HMBOX1: variants seen among roughly 807,000 people sequenced by gnomAD.
HMBOX1 encodes the protein homeobox-containing protein 1.
HMBOX1 carries 14 observed loss-of-function variants against 54.5 expected under a neutral mutation model. The ratio of observed to expected loss-of-function variants is 0.26; its 90% CI spans 0.17 to 0.40. The LOEUF (loss-of-function observed/expected upper bound fraction) is 0.40, where lower values mean the gene tolerates loss of function less well. Ranked by LOEUF, HMBOX1 falls within the 10% of genes least tolerant of loss-of-function variation. The pLI is 1.00. For missense variants in HMBOX1, 332 were observed against 514.4 expected (o/e 0.65, Z 3.43); for synonymous variants, 160 against 181.0 (o/e 0.88, Z 0.93).
chr8:28,967,996 G>A (rs921824264), intron 2 of HMBOX1, among the ~76,000 whole-genome samples: 1 of 152,136 alleles, frequency 6.6e-6, no homozygotes, highest in Non-Finnish European at 1.5e-5. Flanking sequence ...TTCATCTACA[G>A]TTCTAGATTT....
At chr8:28,960,975 C>CG (rs1825489287) in intron 1 of HMBOX1, among the ~76,000 whole-genome samples, 1 of 151,212 alleles carries the variant, frequency 6.6e-6, no homozygotes, top group South Asian at 2.1e-4. Context: ...TTGGTAGAGA[C>CG]GGGGTTTCAC....
chr8:28,971,046 G>A (rs1406790450), intron 3 of HMBOX1, among the ~76,000 whole-genome samples: 1 of 144,248 alleles, frequency 6.9e-6, no homozygotes, highest in African/African-American at 2.6e-5. Flanking sequence ...TTTTATAAGT[G>A]TAAGAACTTA....
intron 3 of HMBOX1, among the ~76,000 whole-genome samples, chr8:28,972,885 G>C (rs1283752053): frequency 6.6e-6 from 1 of 152,160 alleles, no homozygotes; most frequent in Non-Finnish European, 1.5e-5. Context: ...ACCCATTCCA[G>C]TTTCACTGTG....
intron 6 of HMBOX1, among the ~76,000 whole-genome samples, chr8:29,026,482 A>G (rs1802060575): frequency 2.6e-5 from 4 of 152,212 alleles, no homozygotes; most frequent in Middle Eastern, 6.8e-3. Context: ...GAAAACTATT[A>G]AATTGTATGC....
intron 1 of HMBOX1, among the ~76,000 whole-genome samples, chr8:28,932,448 A>C (rs992473099): frequency 3.9e-5 from 6 of 152,226 alleles, no homozygotes; most frequent in Non-Finnish European, 5.9e-5. Flanking sequence ...GTGTAAAGCT[A>C]GTGTATAAAT....
At position 29,051,303 on chromosome 8, in the gene HMBOX1, A is replaced by G; in HGVS notation, c.*148A>G. The stretch of plus-strand genomic sequence containing the variant: ...TAGGGTCTTGTTCTGTGAAGATGGC[A>G]TGGTGCCCTCAGCCTTTGCATATAC... On this transcript the variant is annotated 3_prime_UTR_variant, in exon 10 of 10. Transcript: ENST00000287701. The G allele has an allele frequency of 6.2e-6, 5 of 808,680 alleles. No homozygotes were observed. The highest frequency in any genetic ancestry group is 9.8e-6 in the Non-Finnish European group (5 of 511,610). The allele number at this position is 808,680 out of a possible 1,614,324, so 50.1% of individuals were successfully genotyped here. A position where few individuals can be genotyped will look rare whatever the true frequency, so the allele number is the denominator to read the frequency against.
intron 2 of HMBOX1, among the ~76,000 whole-genome samples, chr8:28,966,917 T>A (rs978016648): frequency 1.1e-4 from 16 of 152,186 alleles, no homozygotes; most frequent in Non-Finnish European, 2.1e-4. Context: ...GGAAATGTAT[T>A]CTCTGATGAA....
intron 4 of HMBOX1, among the ~76,000 whole-genome samples, 177 bp downstream of exon 4, chr8:28,980,333 A>AT (rs963236258): frequency 6.6e-6 from 1 of 152,064 alleles, no homozygotes; most frequent in Non-Finnish European, 1.5e-5. Flanking sequence ...TTCTCTAGTG[A>AT]TTTTTTTGAC....
intron 2 of HMBOX1, among the ~76,000 whole-genome samples, chr8:28,964,810 T>C (rs1287617642): frequency 1.3e-5 from 2 of 149,734 alleles, no homozygotes; most frequent in African/African-American, 2.5e-5. Context: ...GACTTTCTGC[T>C]AAGTAGCTAT....
intron 1 of HMBOX1, among the ~76,000 whole-genome samples, chr8:28,928,702 T>G (rs1416744173): frequency 6.6e-6 from 1 of 152,194 alleles, no homozygotes; most frequent in Admixed American, 6.5e-5. Flanking sequence ...AAGGATATTG[T>G]TGCATCAAAG....
At chr8:28,903,868 C>CTG (rs1435272624) in intron 1 of HMBOX1, among the ~76,000 whole-genome samples, 1 of 152,152 alleles carries the variant, frequency 6.6e-6, no homozygotes, top group Non-Finnish European at 1.5e-5. Context: ...TTTTACCCTC[C>CTG]AGGGACATTT....
At chr8:29,042,752 A>T (rs1219991245) in intron 6 of HMBOX1, 1 of 454,740 alleles carries the variant, frequency 2.2e-6, no homozygotes, top group South Asian at 1.6e-5. Flanking sequence ...TAAACAATCT[A>T]GTTTCTCCTA....
chr8:28,958,485 G>T (rs978889859), intron 1 of HMBOX1, among the ~76,000 whole-genome samples: 35 of 152,014 alleles, frequency 2.3e-4, no homozygotes, highest in African/African-American at 7.7e-4. Context: ...TTGATTTATT[G>T]TATAGGTAAT....
chr8:29,006,094 G>T (rs1026357387), intron 4 of HMBOX1, among the ~76,000 whole-genome samples: 5 of 149,704 alleles, frequency 3.3e-5, no homozygotes, highest in African/African-American at 1.2e-4. Context: ...CTAGGTTCAA[G>T]CAATTCTCCT....
intron 5 of HMBOX1, among the ~76,000 whole-genome samples, chr8:29,018,057 G>A (rs1800602503): frequency 6.6e-6 from 1 of 152,134 alleles, no homozygotes; most frequent in South Asian, 2.1e-4. Flanking sequence ...ACAGTGTAAG[G>A]AGTGAAAGAA....
intron 1 of HMBOX1, among the ~76,000 whole-genome samples, chr8:28,946,780 A>G (rs940061201): frequency 2.6e-5 from 4 of 152,194 alleles, no homozygotes; most frequent in Non-Finnish European, 5.9e-5. Context: ...TTACATATAA[A>G]TCCATAGTAC....
chr8:28,948,861 T>C (rs1203698828), intron 1 of HMBOX1, among the ~76,000 whole-genome samples: 1 of 152,164 alleles, frequency 6.6e-6, no homozygotes, highest in Non-Finnish European at 1.5e-5. Context: ...TTGGGAAACT[T>C]CTGGGGTAAG....
intron 6 of HMBOX1, among the ~76,000 whole-genome samples, chr8:29,031,842 T>C (rs1033589815): frequency 6.6e-6 from 1 of 152,118 alleles, no homozygotes; most frequent in African/African-American, 2.4e-5. Flanking sequence ...AAGAGATGTG[T>C]ACCAAGTACA....
chr8:28,982,824 A>G (rs1035038195), intron 4 of HMBOX1, among the ~76,000 whole-genome samples: 6 of 151,890 alleles, frequency 4.0e-5, no homozygotes, highest in African/African-American at 1.2e-4. Flanking sequence ...GGGTTTCACC[A>G]TATCGGCCAG....
Sources: allele counts gnomAD v4.1 joint callset (sites outside exome capture counted in the v4.1 genomes callset), GRCh38; gene constraint gnomAD v4.1.1; transcripts MANE v1.5; gene names NCBI Gene and HGNC (gene_info 2026-07-23, HGNC 2026-07-21).